The following FAM149A variants were observed in gnomAD, a reference collection of about 807,000 sequenced individuals.
FAM149A encodes family with sequence similarity 149 member A.
Under a neutral mutation model 78.2 loss-of-function variants are expected in FAM149A, and 71 were observed. That is an observed-to-expected ratio of 0.91 (90% CI 0.75 to 1.11). FAM149A has a LOEUF of 1.11. FAM149A is among the 50% of genes least tolerant of loss of function. The pLI, the probability that FAM149A is intolerant of heterozygous loss-of-function variation, is 0.00. For missense variants in FAM149A, 1,036 were observed against 971.0 expected, an observed-to-expected ratio of 1.07 and a Z score of -0.89; for synonymous variants, 446 against 410.5, an observed-to-expected ratio of 1.09 and a Z score of -1.04.
intron 1 of FAM149A, chr4:186,124,091 G>A: frequency 2.0e-6 from 2 of 984,628 alleles, no homozygotes; most frequent in Non-Finnish European, 2.4e-6. Context: ...CATCCCCAAA[G>A]AGGTGTATCC....
intron 1 of FAM149A, among the ~76,000 whole-genome samples, chr4:186,148,780 T>C (rs1031629831): frequency 6.6e-6 from 1 of 151,926 alleles, no homozygotes; most frequent in African/African-American, 2.4e-5. Context: ...AGTGGTTGGG[T>C]TTTGTAAGTA....
Position 186,153,387 on chromosome 4 carries a change from C to T in FAM149A, c.933-258C>T, listed in dbSNP as rs530365038. Reference sequence around the variant, plus strand: ...CCATTCATCAGCCCTGCAAGGTAACCATTATTATCCTGTTTTGCAAATGAA... The same window carrying T: ...CCATTCATCAGCCCTGCAAGGTAACTATTATTATCCTGTTTTGCAAATGAA... On this transcript the variant is annotated intron_variant, in intron 4 of 13. Coordinates refer to ENST00000389354, the MANE Select transcript of FAM149A (RefSeq NM_001367768.3). 819 of 981,092 alleles carry T rather than the reference C, an allele frequency of 8.3e-4. 4 individuals carry two copies. In the Middle Eastern group the frequency reaches 0.011, roughly 13 times the overall value. 60.8% of individuals were successfully genotyped at this position (981,092 alleles called of 1,614,324 possible).
chr4:186,109,587 A>G, intron 1 of FAM149A: 1 of 985,248 alleles, frequency 1.0e-6, no homozygotes, highest in African/African-American at 1.7e-5. Context: ...TCTTGATAAT[A>G]TGGAGGTGAT....
intron 1 of FAM149A, chr4:186,117,599 G>T: frequency 2.0e-6 from 2 of 985,436 alleles, no homozygotes; most frequent in Non-Finnish European, 2.4e-6. Context: ...AGCCGTGGAG[G>T]CCCAGAGCCA....
intron 4 of FAM149A, chr4:186,153,281 G>A: frequency 2.1e-6 from 2 of 954,952 alleles, no homozygotes; most frequent in Non-Finnish European, 2.5e-6. Flanking sequence ...GTTTAACTGT[G>A]TATTAGTTAA....
intron 1 of FAM149A, among the ~76,000 whole-genome samples, chr4:186,112,012 T>G (rs1314819419): frequency 1.3e-5 from 2 of 150,498 alleles, no homozygotes; most frequent in African/African-American, 4.9e-5. Context: ...ATGATATTGA[T>G]TCTTCCTACC....
chr4:186,110,382 A>G (rs1300901485), intron 1 of FAM149A: 6 of 887,236 alleles, frequency 6.8e-6, no homozygotes, highest in African/African-American at 2.2e-5. Context: ...TTGTCATATA[A>G]GCGTTACTTT....
rs372998558 is a variant in FAM149A at position 186,171,436 on chromosome 4, ACCT to A, written c.2219-474_2219-472del. Among the ~76,000 whole-genome samples the A allele has an allele frequency of 7.2e-5, 11 of 152,098 alleles. No individual in the cohort carries two copies. The East Asian group carries it at 1.5e-3, about 21-fold the overall frequency. On this transcript the variant is annotated intron_variant, in intron 13 of 13. Coordinates refer to ENST00000389354, the MANE Select transcript of FAM149A (RefSeq NM_001367768.3). ...TTTTTCTCTGACAAGCAGGCACATG[ACCT>A]CCTTGCTACCTTTGCGTCCAGGTCA...
chr4:186,122,246 G>T (rs146694029), intron 1 of FAM149A, among the ~76,000 whole-genome samples: 23 of 152,328 alleles, frequency 1.5e-4, no homozygotes, highest in Admixed American at 5.2e-4. Flanking sequence ...CAGGTCTGGG[G>T]AAAGGCGGAA....
In FAM149A at chr4:186,157,438, T is replaced by C. The variant is rs1579904584; in HGVS notation, c.1421-127T>C. On this transcript the variant is annotated intron_variant, in intron 7 of 13. Coordinates refer to ENST00000389354, the MANE Select transcript of FAM149A (RefSeq NM_001367768.3). ...GGGGTCTCTGCCCTCCGTGGTAACATGTGGAGTGGCCGTAGCATGGGCTCG... is the reference window on the plus strand; with the variant it reads ...GGGGTCTCTGCCCTCCGTGGTAACACGTGGAGTGGCCGTAGCATGGGCTCG... 2.0e-5 allele frequency: 18 copies of C among 894,222 alleles called. 1 individual carries two copies. In the East Asian group the frequency reaches 4.5e-4, roughly 22 times the overall value. 55.4% of individuals were successfully genotyped at this position (894,222 alleles called of 1,614,324 possible). A position where few individuals can be genotyped will look rare whatever the true frequency, so the allele number is the denominator to read the frequency against.
chr4:186,152,896 T>G (rs1228988588), intron 4 of FAM149A, among the ~76,000 whole-genome samples: 1 of 152,254 alleles, frequency 6.6e-6, no homozygotes, highest in Admixed American at 6.5e-5. Context: ...GGACAGTTTA[T>G]CAAAGTTACC....
chr4:186,158,673 ACG>A, intron 8 of FAM149A: 2 of 1,091,792 alleles, frequency 1.8e-6, no homozygotes, highest in South Asian at 2.6e-5. Flanking sequence ...CAGCCCCTGC[ACG>A]CACTGCTGCT....
intron 1 of FAM149A, chr4:186,133,000 G>C: frequency 1.0e-6 from 1 of 985,244 alleles, no homozygotes; most frequent in East Asian, 1.1e-4. Flanking sequence ...TCTGAGACGA[G>C]CTCTGCCTAT....
At chr4:186,134,536 T>A (rs2099321979) in intron 1 of FAM149A, among the ~76,000 whole-genome samples, 1 of 152,158 alleles carries the variant, frequency 6.6e-6, no homozygotes, top group African/African-American at 2.4e-5. Context: ...GATCACCAAG[T>A]AAAGAGGAAC....
chr4:186,154,382 T>G, intron 5 of FAM149A, 86 bp from the exon 6 acceptor site: 1 of 1,147,380 alleles, frequency 8.7e-7, no homozygotes, highest in Non-Finnish European at 1.2e-6. Flanking sequence ...ACTTTACAGA[T>G]AATTGAAAGA....
intron 1 of FAM149A, among the ~76,000 whole-genome samples, chr4:186,113,101 C>T (rs1461336904): frequency 3.1e-5 from 4 of 128,390 alleles, no homozygotes; most frequent in African/African-American, 8.7e-5. Context: ...TTCAGAGATT[C>T]AACTTCTTCC....
intron 1 of FAM149A, among the ~76,000 whole-genome samples, chr4:186,117,032 C>G (rs35129996): frequency 0.1 from 15,224 of 152,180 alleles, 820 homozygotes; most frequent in South Asian, 0.13. Context: ...GCTACCTAAC[C>G]TCTTTAAGCT....
chr4:186,162,008 G>A (rs1734645248), intron 8 of FAM149A, among the ~76,000 whole-genome samples: 1 of 152,232 alleles, frequency 6.6e-6, no homozygotes, highest in Admixed American at 6.5e-5. Flanking sequence ...CTGTCAGCCT[G>A]TCATCTAGGT....
chr4:186,121,112 A>G (rs1004823256), intron 1 of FAM149A, among the ~76,000 whole-genome samples: 6 of 152,062 alleles, frequency 3.9e-5, no homozygotes, highest in Admixed American at 2.0e-4. Context: ...AGTTTTTTAT[A>G]ATTATGTTTC....
Sources: allele counts gnomAD v4.1 joint callset (sites outside exome capture counted in the v4.1 genomes callset), GRCh38; gene constraint gnomAD v4.1.1; transcripts MANE v1.5; gene names NCBI Gene and HGNC (gene_info 2026-07-23, HGNC 2026-07-21).